Variants in DHX32 observed in about 807,000 individuals in gnomAD.
DHX32 encodes the protein putative pre-mRNA-splicing factor ATP-dependent RNA helicase DHX32.
Under a neutral mutation model 70.0 loss-of-function variants are expected in DHX32, and 51 were observed. The ratio of observed to expected loss-of-function variants is 0.73; its 90% CI spans 0.58 to 0.92. The LOEUF (loss-of-function observed/expected upper bound fraction) is 0.92, where lower values mean the gene tolerates loss of function less well. Ranked by LOEUF, DHX32 falls within the 40% of genes least tolerant of loss-of-function variation. The probability of loss-of-function intolerance (pLI) is 0.00; values close to 1 mark genes in which losing one functional copy is unlikely to be tolerated. For synonymous variants in DHX32, 310 were observed against 315.3 expected (o/e 0.98, Z 0.18); for missense variants, 762 against 891.8 (o/e 0.85, Z 1.85).
At chr10:125,853,185 G>T in intron 4 of DHX32, 1 of 1,613,158 alleles carries the variant, frequency 6.2e-7, no homozygotes, top group Non-Finnish European at 8.5e-7. Flanking sequence ...ATTCAATCAA[G>T]ATCAACTCTA....
chr10:125,838,887 G>A (rs1854782783), intron 9 of DHX32, 114 bp downstream of exon 9: 1 of 1,216,636 alleles, frequency 8.2e-7, no homozygotes, highest in Non-Finnish European at 1.1e-6. Flanking sequence ...TAATAACATG[G>A]ATTTTTAGTT....
intron 1 of DHX32, among the ~76,000 whole-genome samples, 191 bp downstream of exon 1, chr10:125,880,352 A>G (rs1017293735): frequency 1.3e-5 from 2 of 152,222 alleles, no homozygotes; most frequent in African/African-American, 2.4e-5. Flanking sequence ...TTCTACATAG[A>G]TATTATTAAC....
At chr10:125,844,126 A>G (rs1854950296) in intron 6 of DHX32, among the ~76,000 whole-genome samples, 1 of 152,178 alleles carries the variant, frequency 6.6e-6, no homozygotes, top group Non-Finnish European at 1.5e-5. Context: ...AAATAAACAG[A>G]TGGGCTATTC....
intron 1 of DHX32, among the ~76,000 whole-genome samples, chr10:125,867,769 GA>G (rs60581666): frequency 0.38 from 54,920 of 144,830 alleles, 10,691 homozygotes; most frequent in Non-Finnish European, 0.45. Context: ...GGACAAAAAT[GA>G]AAAAAAAAAT....
At chr10:125,887,509 A>G (rs1944346782) in intron 1 of DHX32, among the ~76,000 whole-genome samples, 1 of 152,310 alleles carries the variant, frequency 6.6e-6, no homozygotes, top group East Asian at 1.9e-4. Context: ...TTACAGTGCC[A>G]TGGGTCTAAC....
chr10:125,851,328 C>T (rs1449743198), intron 6 of DHX32, among the ~76,000 whole-genome samples: 1 of 152,154 alleles, frequency 6.6e-6, no homozygotes, highest in Non-Finnish European at 1.5e-5. Context: ...GTTACCCTAA[C>T]CCTTTTGTCC....
chr10:125,854,122 A>G lies in DHX32; in HGVS notation c.931T>C (p.Tyr311His), dbSNP rs764674968. Residue 311 changes from tyrosine (Y) to histidine (H), a missense_variant, in exon 4 of 11, where the codon TAT becomes CAT. Coordinates refer to ENST00000284690, the MANE Select transcript of DHX32 (RefSeq NM_018180.3). ...AACAATGAACATTTCTCTTTTGGAT[A>G]CAAAGGAACAACCACCAGTTCTCCA... Reference protein sequence around the residue: ...DLGELVVVPLYPKEKCSLFKP... With the variant: ...DLGELVVVPLHPKEKCSLFKP... 5 of 1,614,034 alleles carry G rather than the reference A, an allele frequency of 3.1e-6. No individual in the cohort carries two copies. The highest frequency in any genetic ancestry group is 4.2e-6 in the Non-Finnish European group (5 of 1,180,000).
chr10:125,838,884 A>G (rs1037227964), intron 9 of DHX32, 117 bp downstream of exon 9: 8 of 1,192,176 alleles, frequency 6.7e-6, no homozygotes, highest in African/African-American at 1.5e-5. Flanking sequence ...TAATAATAAC[A>G]TGGATTTTTA....
At chr10:125,849,112 A>G (rs1944059261) in intron 6 of DHX32, among the ~76,000 whole-genome samples, 1 of 152,144 alleles carries the variant, frequency 6.6e-6, no homozygotes, top group East Asian at 1.9e-4. Context: ...CCCCTGTCCC[A>G]TGAAGTTCAC....
Position 125,857,128 on chromosome 10 carries a change from G to A in DHX32, c.849+2475C>T, listed in dbSNP as rs548290505. On this transcript the variant is annotated intron_variant, in intron 3 of 10. Transcript: ENST00000284690. ...ATCAATAGCTGTTAGCACTGATTTCGGTGCAAGACAAATCTTTCCAAGACA... is the reference window on the plus strand; with the variant it reads ...ATCAATAGCTGTTAGCACTGATTTCAGTGCAAGACAAATCTTTCCAAGACA... Among the ~76,000 whole-genome samples, 7 of 152,284 alleles carry A rather than the reference G, an allele frequency of 4.6e-5. No homozygotes were observed. In the South Asian group the frequency reaches 6.2e-4, roughly 14 times the overall value.
At chr10:125,895,465 CG>C (rs1944456644) in intron 1 of DHX32, among the ~76,000 whole-genome samples, 1 of 152,158 alleles carries the variant, frequency 6.6e-6, no homozygotes. Flanking sequence ...CTTTTTCTCT[CG>C]TCTCCATTTT....
At chr10:125,849,016 C>T (rs1944057866) in intron 6 of DHX32, among the ~76,000 whole-genome samples, 1 of 152,186 alleles carries the variant, frequency 6.6e-6, no homozygotes, top group South Asian at 2.1e-4. Context: ...ATAGTCCCCT[C>T]AATATGGGGA....
chr10:125,895,797 C>A (rs78466960), intron 1 of DHX32, among the ~76,000 whole-genome samples: 1 of 152,170 alleles, frequency 6.6e-6, no homozygotes. Context: ...AAATGGGACA[C>A]GGGGATGACG....
In DHX32 at chr10:125,859,903, G is replaced by A. The variant is rs1202072530; in HGVS notation, c.549C>T (p.Ile183=). 1.2e-6 allele frequency: 2 copies of A among 1,613,790 alleles called. No individual in the cohort carries two copies. Among genetic ancestry groups the A allele is most frequent in the Admixed American group, 1.7e-5 (1 of 59,986 alleles). ...TGCTTCTTTCATGAATATCATCTAA[G>A]ATGATGACCCCATAGCTACCCAAAA... ...NPFLGSYGVI[I]LDDIHERSIA... Residue 183 remains isoleucine (I), a synonymous_variant, in exon 3 of 11, where the codon ATC becomes ATT. Transcript: ENST00000284690.
Position 125,860,913 on chromosome 10 carries a change from T to C in DHX32, c.477-938A>G, listed in dbSNP as rs570113904. Among the ~76,000 whole-genome samples the C allele has an allele frequency of 1.1e-3, 163 of 151,712 alleles. 1 individual carries two copies. Among genetic ancestry groups the C allele is most frequent in the African/African-American group, 3.5e-3 (146 of 41,412 alleles). ...GACTACAGGCGCCCGCCACCACGCC[T>C]GGCTAATTTTTTGTATTTTTAGTAG... On this transcript the variant is annotated intron_variant, in intron 2 of 10. Transcript: ENST00000284690.
At chr10:125,842,016 T>C in intron 6 of DHX32, 82 bp from the exon 7 acceptor site, 1 of 1,416,244 alleles carries the variant, frequency 7.1e-7, no homozygotes, top group South Asian at 1.6e-5. Flanking sequence ...CCCTCCTGCA[T>C]GAAACAAGCA....
intron 10 of DHX32, among the ~76,000 whole-genome samples, chr10:125,837,625 A>G (rs891160416): frequency 2.0e-5 from 3 of 152,014 alleles, no homozygotes; most frequent in South Asian, 2.1e-4. Context: ...GGGTCTTGCT[A>G]TGTTGCCAGG....
intron 2 of DHX32, among the ~76,000 whole-genome samples, chr10:125,863,577 A>G (rs1468274481): frequency 6.6e-6 from 1 of 151,782 alleles, no homozygotes; most frequent in Non-Finnish European, 1.5e-5. Flanking sequence ...CCTCCTGAGC[A>G]GCTGGGACTA....
chr10:125,846,633 T>G (rs1026795559), intron 6 of DHX32, among the ~76,000 whole-genome samples: 2 of 152,198 alleles, frequency 1.3e-5, no homozygotes, highest in African/African-American at 2.4e-5. Context: ...CTACTGGAAA[T>G]GCACTTTTAC....
Sources: allele counts gnomAD v4.1 joint callset (sites outside exome capture counted in the v4.1 genomes callset), GRCh38; gene constraint gnomAD v4.1.1; transcripts MANE v1.5; gene names NCBI Gene and HGNC (gene_info 2026-07-23, HGNC 2026-07-21).